Variants in ZBBX observed in about 807,000 individuals in gnomAD.
ZBBX encodes zinc finger B-box domain containing, also known as zinc finger B-box domain-containing protein 1.
Under a neutral mutation model 108.5 loss-of-function variants are expected in ZBBX, and 101 were observed. The ratio of observed to expected loss-of-function variants is 0.93; its 90% CI spans 0.79 to 1.10. The LOEUF (loss-of-function observed/expected upper bound fraction) is 1.10, where lower values mean the gene tolerates loss of function less well. Among genes scored for constraint, ZBBX ranks in the 50% least tolerant of loss-of-function variants. ZBBX has a pLI of 0.00. For missense variants in ZBBX, 1,009 were observed against 941.4 expected (o/e 1.07, Z -0.94); for synonymous variants, 356 against 323.4 (o/e 1.10, Z -1.08).
In ZBBX at chr3:167,365,952, A is replaced by G. The variant is rs1745253409; in HGVS notation, c.207T>C (p.Ser69=). 1.2e-6 allele frequency: 2 copies of G among 1,608,200 alleles called. No homozygotes were observed. The highest frequency in any genetic ancestry group is 1.3e-5 in the African/African-American group (1 of 74,734). ...GATTGACCAATTTGCCCACTTTTCC[A>G]GATTTCCAGTAATACTCGCTTGACC... ...DRESSEYYWK[S]GKVGKLVNQS... The change falls in exon 6 of 22, where the codon TCT becomes TCC. Residue 69 remains serine (S), a synonymous_variant. Coordinates refer to ENST00000675490, the MANE Select transcript of ZBBX (RefSeq NM_001199201.2).
intron 20 of ZBBX, among the ~76,000 whole-genome samples, chr3:167,243,648 G>C (rs547505606): frequency 6.6e-6 from 1 of 151,324 alleles, no homozygotes; most frequent in Non-Finnish European, 1.5e-5. Context: ...TGCCCACCTC[G>C]GCCTTCCAAA....
chr3:167,265,355 G>A (rs2108441953), intron 20 of ZBBX, among the ~76,000 whole-genome samples: 1 of 152,238 alleles, frequency 6.6e-6, no homozygotes, highest in Middle Eastern at 3.4e-3. Flanking sequence ...TTTTGGCTCA[G>A]GTTGTGTCAA....
At chr3:167,342,451 C>A in intron 9 of ZBBX, among the ~76,000 whole-genome samples, 1 of 151,654 alleles carries the variant, frequency 6.6e-6, no homozygotes, top group East Asian at 1.9e-4. Flanking sequence ...AGCTCTAAAA[C>A]TTTTACTGTA....
At chr3:167,373,815 TG>T (rs1173252388) in intron 2 of ZBBX, 28 bp from the exon 3 acceptor site, 1 of 152,166 alleles carries the variant, frequency 6.6e-6, no homozygotes, top group African/African-American at 2.4e-5. Flanking sequence ...GAGATGGAAG[TG>T]GTAGACGACA....
chr3:167,199,649 T>C, the ZBBX span, among the ~76,000 whole-genome samples: 1 of 152,182 alleles, frequency 6.6e-6, no homozygotes, highest in Non-Finnish European at 1.5e-5. Flanking sequence ...CTCAAAAAGC[T>C]ATCTCCTCCC....
chr3:167,232,594 G>C, the ZBBX span, among the ~76,000 whole-genome samples: 1 of 151,774 alleles, frequency 6.6e-6, no homozygotes, highest in Non-Finnish European at 1.5e-5. Context: ...TTGAGAAAAA[G>C]CACCTGCCAC....
chr3:167,270,609 C>T (rs945296729), intron 20 of ZBBX, among the ~76,000 whole-genome samples: 1 of 152,078 alleles, frequency 6.6e-6, no homozygotes, highest in African/African-American at 2.4e-5. Flanking sequence ...GGTTTTAGAC[C>T]CAGTCACTTG....
the ZBBX span, among the ~76,000 whole-genome samples, chr3:167,192,532 C>CTG: frequency 6.6e-6 from 1 of 152,124 alleles, no homozygotes; most frequent in Non-Finnish European, 1.5e-5. Flanking sequence ...CTTGTTTGCT[C>CTG]TTGTTGCTTT....
the ZBBX span, among the ~76,000 whole-genome samples, chr3:167,206,766 T>C: frequency 6.6e-6 from 1 of 152,138 alleles, no homozygotes. Context: ...TAAAATATTA[T>C]GGTACTGGCA....
At chr3:167,253,378 T>C (rs1378875766) in intron 20 of ZBBX, among the ~76,000 whole-genome samples, 5 of 152,174 alleles carry the variant, frequency 3.3e-5, no homozygotes, top group African/African-American at 1.2e-4. Flanking sequence ...CTGAAATCCT[T>C]ATTAAAGCTG....
intron 20 of ZBBX, among the ~76,000 whole-genome samples, chr3:167,244,015 C>T (rs570440841): frequency 6.6e-6 from 1 of 151,852 alleles, no homozygotes. Context: ...TTTAGGGGCT[C>T]TATATAAGAT....
intron 15 of ZBBX, 54 bp from the exon 16 acceptor site, chr3:167,314,170 A>T: frequency 6.7e-7 from 1 of 1,485,432 alleles, no homozygotes. Flanking sequence ...GATTTTAAAA[A>T]GAAAATTTTA....
intron 1 of ZBBX, among the ~76,000 whole-genome samples, chr3:167,398,249 A>G (rs930757694): frequency 6.6e-6 from 1 of 152,100 alleles, no homozygotes; most frequent in Non-Finnish European, 1.5e-5. Flanking sequence ...ACCCATTTTT[A>G]AGAATATTTT....
At chr3:167,357,633 A>G (rs1323152351) in intron 8 of ZBBX, among the ~76,000 whole-genome samples, 5 of 152,202 alleles carry the variant, frequency 3.3e-5, no homozygotes, top group Admixed American at 2.0e-4. Context: ...GAATAGTTAA[A>G]CAAAATATGG....
At chr3:167,397,206 T>C (rs1748267319) in intron 1 of ZBBX, among the ~76,000 whole-genome samples, 1 of 146,994 alleles carries the variant, frequency 6.8e-6, no homozygotes. Flanking sequence ...CTACATCTCA[T>C]TTGTCTTCGC....
At chr3:167,205,507 G>A in the ZBBX span, among the ~76,000 whole-genome samples, 11 of 152,132 alleles carry the variant, frequency 7.2e-5, no homozygotes, top group African/African-American at 2.7e-4. Flanking sequence ...GGATAATTAT[G>A]TACTACTGCT....
At chr3:167,198,893 G>A in the ZBBX span, among the ~76,000 whole-genome samples, 3 of 152,110 alleles carry the variant, frequency 2.0e-5, no homozygotes, top group Admixed American at 2.0e-4. Context: ...AAGGTTATTT[G>A]GTAAGAGTGC....
At chr3:167,209,825 C>A in the ZBBX span, among the ~76,000 whole-genome samples, 1 of 152,178 alleles carries the variant, frequency 6.6e-6, no homozygotes, top group Admixed American at 6.5e-5. Context: ...AGTGATGGCT[C>A]ACACCTGTAA....
chr3:167,299,480 T>C (rs865900794), intron 17 of ZBBX, among the ~76,000 whole-genome samples: 38 of 152,214 alleles, frequency 2.5e-4, no homozygotes, highest in South Asian at 4.1e-4. Context: ...CAATCGCAAA[T>C]CTGGAAGAGT....
Sources: allele counts gnomAD v4.1 joint callset (sites outside exome capture counted in the v4.1 genomes callset), GRCh38; gene constraint gnomAD v4.1.1; transcripts MANE v1.5; gene names NCBI Gene and HGNC (gene_info 2026-07-23, HGNC 2026-07-21).